The following EFCAB6 variants were observed in gnomAD, a reference collection of about 807,000 sequenced individuals.
EFCAB6 encodes the protein EF-hand calcium binding domain 6, also known as EF-hand calcium-binding domain-containing protein 6.
Under a neutral mutation model 169.8 loss-of-function variants are expected in EFCAB6, and 156 were observed. The ratio of observed to expected loss-of-function variants is 0.92; its 90% CI spans 0.81 to 1.05. The LOEUF is 1.05. Among genes scored for constraint, EFCAB6 ranks in the 50% least tolerant of loss-of-function variants. The probability of loss-of-function intolerance (pLI) is 0.00; values close to 1 mark genes in which losing one functional copy is unlikely to be tolerated. For missense variants in EFCAB6, 1,800 were observed against 1,829.1 expected (o/e 0.98, Z 0.29); for synonymous variants, 698 against 676.4 (o/e 1.03, Z -0.50).
In EFCAB6 at chr22:43,635,234, G is replaced by A. The variant is rs137933366; in HGVS notation, c.1984-18C>T. On this transcript the variant is annotated intron_variant, in intron 17 of 31. Coordinates refer to ENST00000262726, the MANE Select transcript of EFCAB6 (RefSeq NM_022785.4). ...TCCAGTACCTGACGAGGGAGACAGGGGAGGGTGGAGAGGCGTTAGGTGGTC... is the reference window on the plus strand; with the variant it reads ...TCCAGTACCTGACGAGGGAGACAGGAGAGGGTGGAGAGGCGTTAGGTGGTC... The A allele has an allele frequency of 6.0e-5, 96 of 1,598,118 alleles. 1 individual carries two copies. In the East Asian group the frequency reaches 1.9e-3, roughly 31 times the overall value.
intron 24 of EFCAB6, among the ~76,000 whole-genome samples, chr22:43,587,178 T>A (rs2147368076): frequency 6.6e-6 from 1 of 152,288 alleles, no homozygotes; most frequent in African/African-American, 2.4e-5. Context: ...AGACTTCACG[T>A]GTCTGGGTGC....
chr22:43,631,628 C>T (rs2054950286), intron 19 of EFCAB6, among the ~76,000 whole-genome samples: 1 of 152,032 alleles, frequency 6.6e-6, no homozygotes, highest in Non-Finnish European at 1.5e-5. Flanking sequence ...CAGCCAATTA[C>T]TATGAATATG....
At chr22:43,708,710 T>C (rs2147347412) in intron 10 of EFCAB6, among the ~76,000 whole-genome samples, 1 of 152,240 alleles carries the variant, frequency 6.6e-6, no homozygotes, top group Non-Finnish European at 1.5e-5. Context: ...GTAGATAAGA[T>C]AGACCACAAA....
chr22:43,541,726 G>A (rs2047740031), intron 27 of EFCAB6, among the ~76,000 whole-genome samples: 1 of 152,108 alleles, frequency 6.6e-6, no homozygotes, highest in African/African-American at 2.4e-5. Context: ...CAGGACCACT[G>A]GCCAAAACCA....
chr22:43,664,530 G>A (rs747679871), intron 17 of EFCAB6, among the ~76,000 whole-genome samples: 37 of 152,230 alleles, frequency 2.4e-4, no homozygotes, highest in Non-Finnish European at 3.7e-4. Context: ...AGGTGAAGGT[G>A]AGGAGGGTGG....
At chr22:43,548,275 T>C (rs886769377) in intron 27 of EFCAB6, among the ~76,000 whole-genome samples, 1 of 152,140 alleles carries the variant, frequency 6.6e-6, no homozygotes, top group East Asian at 1.9e-4. Flanking sequence ...AGGTGGCTCA[T>C]GTCTATAATC....
At position 43,543,338 on chromosome 22, in the gene EFCAB6, A is replaced by G. The variant is rs555833781; in HGVS notation, c.3649-2981T>C. On this transcript the variant is annotated intron_variant, in intron 27 of 31. Coordinates refer to ENST00000262726, the MANE Select transcript of EFCAB6 (RefSeq NM_022785.4). ...GGACCCAGCCACCAGGGCGGCTCCC[A>G]CCTGCCCCCAGCCCTTCTCCTCGCA... Among the ~76,000 whole-genome samples, 92 of 152,258 alleles carry G rather than the reference A, an allele frequency of 6.0e-4. 1 individual carries two copies. The highest frequency in any genetic ancestry group is 2.2e-3 in the African/African-American group (90 of 41,540).
At chr22:43,667,551 G>A (rs2057318068) in intron 16 of EFCAB6, among the ~76,000 whole-genome samples, 1 of 152,136 alleles carries the variant, frequency 6.6e-6, no homozygotes, top group African/African-American at 2.4e-5. Context: ...GAATATTATG[G>A]TCCTCGAGAT....
intron 12 of EFCAB6, among the ~76,000 whole-genome samples, chr22:43,683,435 T>C (rs1424881465): frequency 6.6e-6 from 1 of 152,156 alleles, no homozygotes; most frequent in Non-Finnish European, 1.5e-5. Context: ...GTTTGTTAAT[T>C]AAACAGTGAA....
intron 6 of EFCAB6, among the ~76,000 whole-genome samples, chr22:43,753,643 G>T (rs1180594342): frequency 6.6e-6 from 1 of 152,184 alleles, no homozygotes; most frequent in Admixed American, 6.5e-5. Flanking sequence ...CGGTTGGAGG[G>T]TCTGAGGGCC....
At chr22:43,626,402 C>T (rs1371996100) in intron 20 of EFCAB6, 45 bp downstream of exon 20, 23 of 1,572,154 alleles carry the variant, frequency 1.5e-5, no homozygotes, top group African/African-American at 4.1e-5. Context: ...CACAGTGGCA[C>T]GGGCCGGCAT....
intron 21 of EFCAB6, among the ~76,000 whole-genome samples, chr22:43,612,893 C>CAAAA (rs2053416734): frequency 7.6e-6 from 1 of 131,768 alleles, no homozygotes. Flanking sequence ...GACTCCATCT[C>CAAAA]AATTAAAAAA....
intron 26 of EFCAB6, among the ~76,000 whole-genome samples, chr22:43,558,587 A>C (rs542308823): frequency 1.6e-4 from 24 of 152,192 alleles, no homozygotes; most frequent in Non-Finnish European, 2.9e-4. Context: ...CAGTCAATTG[A>C]TGTGGCAAAC....
At chr22:43,662,227 C>G (rs1169490391) in intron 17 of EFCAB6, among the ~76,000 whole-genome samples, 1 of 151,008 alleles carries the variant, frequency 6.6e-6, no homozygotes, top group African/African-American at 2.4e-5. Flanking sequence ...CAGAATCTTT[C>G]TGGCCACAAT....
At chr22:43,751,221 G>A (rs2060749057) in intron 6 of EFCAB6, among the ~76,000 whole-genome samples, 3 of 152,050 alleles carry the variant, frequency 2.0e-5, no homozygotes, top group South Asian at 2.1e-4. Context: ...GGAGAGTCAC[G>A]ACCTTCTGAA....
intron 10 of EFCAB6, among the ~76,000 whole-genome samples, chr22:43,703,155 C>A (rs1290723365): frequency 3.9e-5 from 6 of 152,198 alleles, no homozygotes; most frequent in Admixed American, 3.3e-4. Flanking sequence ...GAAATCTACT[C>A]TGTGGCCCAG....
intron 2 of EFCAB6, among the ~76,000 whole-genome samples, chr22:43,799,163 C>CA (rs554230835): frequency 0.094 from 13,389 of 142,398 alleles, 674 homozygotes; most frequent in South Asian, 0.17. Context: ...CTCGTCTTTA[C>CA]AAAAAAAAAA....
chr22:43,542,218 C>G (rs1478351258), intron 27 of EFCAB6, among the ~76,000 whole-genome samples: 2 of 152,164 alleles, frequency 1.3e-5, no homozygotes, highest in Non-Finnish European at 2.9e-5. Context: ...GGAGACAATC[C>G]CAGGGCTCCC....
chr22:43,540,565 G>T (rs1445551991), intron 27 of EFCAB6: 2 of 1,510,640 alleles, frequency 1.3e-6, no homozygotes, highest in South Asian at 1.2e-5. Flanking sequence ...AAGACAAGAG[G>T]ATTATTCATG....
Sources: gnomAD v4.1 joint callset for allele counts (sites outside exome capture counted in the v4.1 genomes callset) on GRCh38, gnomAD v4.1.1 for gene constraint, MANE v1.5 for transcripts, NCBI Gene and HGNC (gene_info 2026-07-23, HGNC 2026-07-21) for gene names.